CACNA2D3: variants seen among roughly 807,000 people sequenced by gnomAD.
The protein encoded by CACNA2D3 is voltage-dependent calcium channel subunit alpha-2/delta-3.
In CACNA2D3, 60 loss-of-function variants were observed where a neutral mutation model predicts 160.6. The ratio of observed to expected loss-of-function variants is 0.37; its 90% confidence interval spans 0.30 to 0.46. The LOEUF is 0.46. Among genes scored for constraint, CACNA2D3 ranks in the 20% least tolerant of loss-of-function variants. The pLI, the probability that CACNA2D3 is intolerant of heterozygous loss-of-function variation, is 1.00. For missense variants in CACNA2D3, 1,205 were observed against 1,365.0 expected, an observed-to-expected ratio of 0.88 and a Z score of 1.85; for synonymous variants, 558 against 492.9, an observed-to-expected ratio of 1.13 and a Z score of -1.75.
In CACNA2D3 at chr3:54,714,368, C is replaced by T. The variant is rs190350337; in HGVS notation, c.1168-38231C>T. 9.9e-5 allele frequency among the ~76,000 whole-genome samples: 15 copies of T among 152,264 alleles called. 1 individual carries two copies. The East Asian group carries it at 2.9e-3, about 29-fold the overall frequency. ...GTACCTCTGGGATGGAGGGCGAGTG[C>T]TCTGGGGCCGGGGTATCCTTCAGCG... On this transcript the variant is annotated intron_variant, in intron 11 of 37. Coordinates refer to ENST00000474759, the MANE Select transcript of CACNA2D3 (RefSeq NM_018398.3).
At chr3:54,809,021 A>G (rs1375412852) in intron 13 of CACNA2D3, among the ~76,000 whole-genome samples, 2 of 152,144 alleles carry the variant, frequency 1.3e-5, no homozygotes, top group Admixed American at 1.3e-4. Flanking sequence ...CCTCACATTA[A>G]TCTCATGAAA....
intron 9 of CACNA2D3, among the ~76,000 whole-genome samples, chr3:54,623,806 T>C (rs992065018): frequency 6.6e-6 from 1 of 152,348 alleles, no homozygotes; most frequent in East Asian, 1.9e-4. Flanking sequence ...TTTTTAATGT[T>C]AGGTAATTTT....
intron 4 of CACNA2D3, among the ~76,000 whole-genome samples, chr3:54,495,748 TCAAAA>T (rs1301360395): frequency 6.6e-6 from 1 of 152,132 alleles, no homozygotes; most frequent in African/African-American, 2.4e-5. Context: ...AGACTCTGTC[TCAAAA>T]CAAACAACCA....
chr3:54,726,625 C>T (rs1701282770), intron 11 of CACNA2D3, among the ~76,000 whole-genome samples: 1 of 152,134 alleles, frequency 6.6e-6, no homozygotes, highest in Non-Finnish European at 1.5e-5. Flanking sequence ...CTACAACAAT[C>T]TGATCTTTGA....
rs76230717 is a variant in CACNA2D3, at chr3:55,054,306, C to T, written c.2988-19139C>T. ...CTACTTGGTACTATTTTACTGCTTACTGAGCTTCTGTTCATTTGTGTTTTA... is the reference window on the plus strand; with the variant it reads ...CTACTTGGTACTATTTTACTGCTTATTGAGCTTCTGTTCATTTGTGTTTTA... On this transcript the variant is annotated intron_variant, in intron 35 of 37. Coordinates refer to ENST00000474759, the MANE Select transcript of CACNA2D3 (RefSeq NM_018398.3). Among the ~76,000 whole-genome samples the T allele has an allele frequency of 9.9e-3, 1,503 of 151,892 alleles. 61 individuals are homozygous for T. Among genetic ancestry groups the T allele is most frequent in the East Asian group, 0.086 (445 of 5,172 alleles).
intron 29 of CACNA2D3, among the ~76,000 whole-genome samples, chr3:54,976,056 TACACACAC>T (rs3841944): frequency 2.6e-4 from 37 of 144,970 alleles, no homozygotes; most frequent in African/African-American, 7.0e-4. Context: ...TAGATATAGA[TACACACAC>T]ACACACACAC....
intron 2 of CACNA2D3, among the ~76,000 whole-genome samples, chr3:54,222,104 T>C (rs1701585032): frequency 6.6e-6 from 1 of 152,202 alleles, no homozygotes; most frequent in African/African-American, 2.4e-5. Flanking sequence ...CTTATTATTT[T>C]AGTTAAAAAT....
At chr3:54,665,564 C>CA (rs531925730) in intron 11 of CACNA2D3, among the ~76,000 whole-genome samples, 31 of 151,950 alleles carry the variant, frequency 2.0e-4, no homozygotes, top group African/African-American at 7.2e-4. Context: ...TGTAAATGAC[C>CA]ACATGTACAG....
chr3:54,840,687 G>C (rs1000942460), intron 16 of CACNA2D3, among the ~76,000 whole-genome samples: 3 of 149,292 alleles, frequency 2.0e-5, no homozygotes, highest in Admixed American at 6.7e-5. Context: ...GGGATTACAG[G>C]CGTGAGCCAC....
At chr3:54,125,242 T>TAC (rs59950857) in intron 2 of CACNA2D3, among the ~76,000 whole-genome samples, 33,217 of 147,838 alleles carry the variant, frequency 0.22, 3,658 homozygotes, top group Middle Eastern at 0.33. Context: ...TCTTTGAAGT[T>TAC]ACACACACAC....
intron 4 of CACNA2D3, among the ~76,000 whole-genome samples, chr3:54,423,704 A>C (rs1440922108): frequency 6.6e-6 from 1 of 152,018 alleles, no homozygotes; most frequent in African/African-American, 2.4e-5. Flanking sequence ...TTCTGAGTAA[A>C]AAGTGCCTTA....
At chr3:54,870,236 C>T (rs1365951568) in intron 17 of CACNA2D3, among the ~76,000 whole-genome samples, 2 of 152,150 alleles carry the variant, frequency 1.3e-5, no homozygotes, top group African/African-American at 4.8e-5. Flanking sequence ...TTGTCTGGTT[C>T]AACATATGGG....
At chr3:54,997,263 A>G (rs897943853) in intron 31 of CACNA2D3, among the ~76,000 whole-genome samples, 1 of 152,230 alleles carries the variant, frequency 6.6e-6, no homozygotes, top group Non-Finnish European at 1.5e-5. Flanking sequence ...AAGAAAATGC[A>G]AGTGAGGTAT....
chr3:54,817,293 A>G (rs965495258), intron 14 of CACNA2D3, among the ~76,000 whole-genome samples: 2 of 152,232 alleles, frequency 1.3e-5, no homozygotes, highest in Admixed American at 6.5e-5. Context: ...CTGAAAACTT[A>G]TTGGATTTTA....
At chr3:54,246,759 A>C (rs529544910) in intron 2 of CACNA2D3, among the ~76,000 whole-genome samples, 1 of 152,110 alleles carries the variant, frequency 6.6e-6, no homozygotes, top group African/African-American at 2.4e-5. Flanking sequence ...ATATCTCAGC[A>C]TCTCAGAAAG....
intron 11 of CACNA2D3, among the ~76,000 whole-genome samples, chr3:54,704,843 C>G (rs771508857): frequency 5.9e-5 from 9 of 152,118 alleles, no homozygotes; most frequent in Non-Finnish European, 7.4e-5. Flanking sequence ...CTCCCTCCTA[C>G]CCAACACCAT....
intron 3 of CACNA2D3, among the ~76,000 whole-genome samples, chr3:54,359,396 G>T (rs1209026973): frequency 1.3e-5 from 2 of 152,168 alleles, no homozygotes; most frequent in Non-Finnish European, 2.9e-5. Flanking sequence ...GTGTGTTTTG[G>T]CATAGAGATA....
intron 27 of CACNA2D3, among the ~76,000 whole-genome samples, chr3:54,917,794 G>A (rs1268494212): frequency 6.6e-6 from 1 of 152,082 alleles, no homozygotes; most frequent in Non-Finnish European, 1.5e-5. Flanking sequence ...CAGACTCAGG[G>A]CCTGAGTCCT....
At chr3:54,924,884 C>T (rs1258186836) in intron 27 of CACNA2D3, 11 of 1,613,490 alleles carry the variant, frequency 6.8e-6, no homozygotes, top group Non-Finnish European at 9.3e-6. Flanking sequence ...GTCTGCTTTC[C>T]AGGGAAAGGA....
Sources: gnomAD v4.1 joint callset for allele counts (sites outside exome capture counted in the v4.1 genomes callset) on GRCh38, gnomAD v4.1.1 for gene constraint, MANE v1.5 for transcripts, NCBI Gene and HGNC (gene_info 2026-07-23, HGNC 2026-07-21) for gene names.